The following KCNMB3 variants were observed in gnomAD, a reference collection of about 807,000 sequenced individuals.
The protein encoded by KCNMB3 is calcium-activated potassium channel subunit beta-3.
A neutral mutation model predicts 11.9 loss-of-function variants in KCNMB3; 18 were observed. The observed-to-expected ratio is 1.51, with a 90% CI of 1.04 to 2.23. KCNMB3 has a LOEUF of 2.23. Among genes scored for constraint, KCNMB3 ranks in the 30% most tolerant of loss-of-function variants. The pLI, the probability that KCNMB3 is intolerant of heterozygous loss-of-function variation, is 0.00. For synonymous variants in KCNMB3, 78 were observed against 119.2 expected, an observed-to-expected ratio of 0.65 and a Z score of 2.25; for missense variants, 247 against 329.4, an observed-to-expected ratio of 0.75 and a Z score of 1.94.
At chr3:179,240,526 C>G (rs1725428966), downstream of KCNMB3, 2 of 152,568 alleles carry the variant, frequency 1.3e-5, no homozygotes, top group African/African-American at 4.8e-5. Flanking sequence ...ATAAACATTG[C>G]AAAAGGTAAG....
upstream of KCNMB3, among the ~76,000 whole-genome samples, chr3:179,252,854 C>G (rs1725892600): frequency 6.6e-6 from 1 of 151,736 alleles, no homozygotes; most frequent in South Asian, 2.1e-4. Flanking sequence ...GCCTCCGCCT[C>G]CTGAGTAGCT....
At chr3:179,263,669 G>A (rs879920431) in intron 1 of KCNMB3, among the ~76,000 whole-genome samples, 3 of 151,778 alleles carry the variant, frequency 2.0e-5, no homozygotes, top group Non-Finnish European at 4.4e-5. Flanking sequence ...GTACAGAAGA[G>A]AACAAAAACT....
chr3:179,261,627 T>C lies in KCNMB3; in HGVS notation c.62+5022A>G, dbSNP rs547760254. ...TACTATGGTGTGAAAGCAATATGAA[T>C]TCAGTAGAAACTGTACCTCAAATTT... is the stretch of plus-strand genomic sequence containing the variant. On this transcript the variant is annotated intron_variant, in intron 1 of 3. Coordinates refer to the KCNMB3 transcript ENST00000349697. Among the ~76,000 whole-genome samples, 3 of 148,738 alleles carry C rather than the reference T, an allele frequency of 2.0e-5. No individual in the cohort carries two copies. In the East Asian group the frequency reaches 6.2e-4, roughly 31 times the overall value.
At chr3:179,263,127 G>A (rs1726273078) in intron 1 of KCNMB3, among the ~76,000 whole-genome samples, 1 of 152,246 alleles carries the variant, frequency 6.6e-6, no homozygotes. Flanking sequence ...GGGAGGCTCG[G>A]GCGGCACAGG....
intron 1 of KCNMB3, chr3:179,259,591 C>T: frequency 1.2e-6 from 2 of 1,608,328 alleles, no homozygotes; most frequent in Non-Finnish European, 8.5e-7. Context: ...GCTTCCACTG[C>T]TGACTTTCTG....
At chr3:179,253,072 G>A (rs2108448959), upstream of KCNMB3, among the ~76,000 whole-genome samples, 1 of 152,258 alleles carries the variant, frequency 6.6e-6, no homozygotes, top group East Asian at 1.9e-4. Flanking sequence ...TTGATTAAAA[G>A]AAAGTTTTAG....
At position 179,258,419 on chromosome 3, in the gene KCNMB3, A is replaced by T. The variant is rs7645810; in HGVS notation, c.63-7485T>A. On this transcript the variant is annotated intron_variant, in intron 1 of 3. Transcript: ENST00000349697. ...GAGGTGAAGGCAAATAAAGCCCCTC[A>T]TGCTTTCAGACCTTTACTTGTTATC... Among the ~76,000 whole-genome samples the T allele has an allele frequency of 6.8e-3, 1,034 of 152,224 alleles. 6 individuals carry two copies. The highest frequency in any genetic ancestry group is 0.011 in the Non-Finnish European group (750 of 68,016).
chr3:179,258,156 G>C (rs1227207971), intron 1 of KCNMB3, among the ~76,000 whole-genome samples: 1 of 152,198 alleles, frequency 6.6e-6, no homozygotes, highest in Non-Finnish European at 1.5e-5. Context: ...AACGTGCTGA[G>C]ATTACAGGCG....
chr3:179,257,065 G>A (rs1018558018), intron 1 of KCNMB3, among the ~76,000 whole-genome samples: 3 of 152,170 alleles, frequency 2.0e-5, no homozygotes, highest in Non-Finnish European at 4.4e-5. Flanking sequence ...TCAGGAGGCT[G>A]AGCCAGGAGG....
intron 1 of KCNMB3, among the ~76,000 whole-genome samples, chr3:179,246,530 A>C (rs1267392832): frequency 1.3e-5 from 2 of 152,246 alleles, no homozygotes; most frequent in Non-Finnish European, 1.5e-5. Flanking sequence ...AACTTGAGAC[A>C]CACTGTGCAG....
At chr3:179,258,553 A>T (rs939449242) in intron 1 of KCNMB3, among the ~76,000 whole-genome samples, 15 of 152,346 alleles carry the variant, frequency 9.8e-5, no homozygotes, top group African/African-American at 3.6e-4. Context: ...TGTATATTTT[A>T]AAATCAAATA....
At chr3:179,249,295 G>A (rs546084340) in intron 1 of KCNMB3, among the ~76,000 whole-genome samples, 25 of 148,166 alleles carry the variant, frequency 1.7e-4, no homozygotes, top group African/African-American at 6.2e-4. Context: ...TTACAGGCGT[G>A]AGCCACCGCG....
At chr3:179,240,254 T>G (rs1725419901), downstream of KCNMB3, 1 of 527,330 alleles carries the variant, frequency 1.9e-6, no homozygotes. Flanking sequence ...TGATTGAAAA[T>G]CTGAAACTAT....
At position 179,250,803 on chromosome 3, in the gene KCNMB3, C is replaced by T; in HGVS notation, c.188G>A (p.Gly63Asp). ...CAAGAAGAACATTAGGACTGAGAAG[C>T]CCATCATGGCAAACCCCAGCATCAC... The part of the protein sequence containing the change: ...RAVMLGFAMM[G>D]FSVLMFFLLG... Residue 63 changes from glycine to aspartate, a missense_variant, in exon 1 of 3, where the codon GGC becomes GAC. This residue lies in a region of KCNMB3 where 160 missense variants were observed against 157.5 expected (regional missense o/e 1.02). Coordinates refer to ENST00000392685, the MANE Select transcript of KCNMB3 (RefSeq NM_171830.2). 1 of 1,614,154 alleles carries T rather than the reference C, an allele frequency of 6.2e-7. No homozygotes were observed. Among genetic ancestry groups the T allele is most frequent in the Non-Finnish European group, 8.5e-7 (1 of 1,180,030 alleles).
chr3:179,260,229 A>G, intron 1 of KCNMB3: 1 of 1,613,914 alleles, frequency 6.2e-7, no homozygotes, highest in Non-Finnish European at 8.5e-7. Flanking sequence ...GGATGGCTCA[A>G]GGGGAGTTCT....
intron 1 of KCNMB3, among the ~76,000 whole-genome samples, chr3:179,250,008 C>T (rs965912215): frequency 6.6e-6 from 1 of 152,034 alleles, no homozygotes; most frequent in African/African-American, 2.4e-5. Context: ...CAAACCTGCA[C>T]ATTCTGTACA....
rs764610397 is a variant in KCNMB3, at chr3:179,242,888, T to C, written c.*16A>G. The C allele has an allele frequency of 2.4e-5, 37 of 1,565,978 alleles. No individual in the cohort carries two copies. The South Asian group carries it at 4.3e-4, about 18-fold the overall frequency. The stretch of plus-strand genomic sequence containing the variant: ...CACAGACATCTGAAGGCCAGCACTT[T>C]AATTTGGCCACCGTCTTAAGATTTC... On this transcript the variant is annotated 3_prime_UTR_variant, in exon 3 of 3. Coordinates refer to ENST00000392685, the MANE Select transcript of KCNMB3 (RefSeq NM_171830.2).
exon 1 of KCNMB3, chr3:179,266,766 C>A: frequency 1.9e-6 from 3 of 1,605,142 alleles, no homozygotes; most frequent in South Asian, 2.2e-5. Flanking sequence ...CCCCTGCGGG[C>A]GCAAGAAAGG....
At chr3:179,266,039 G>A (rs1461702708) in intron 1 of KCNMB3, among the ~76,000 whole-genome samples, 1 of 152,044 alleles carries the variant, frequency 6.6e-6, no homozygotes, top group Non-Finnish European at 1.5e-5. Flanking sequence ...CGGTATAACA[G>A]TATAGTTTAG....
Sources: allele counts gnomAD v4.1 joint callset (sites outside exome capture counted in the v4.1 genomes callset), GRCh38; gene constraint gnomAD v4.1.1; regional missense constraint gnomAD v4.1.1; transcripts MANE v1.5; gene names NCBI Gene and HGNC (gene_info 2026-07-23, HGNC 2026-07-21).